MORN3: variants seen among roughly 807,000 people sequenced by gnomAD.
The protein encoded by MORN3 is MORN repeat containing 3.
In MORN3, 38 loss-of-function variants were observed where a neutral mutation model predicts 34.7. The ratio of observed to expected loss-of-function variants is 1.10; its 90% CI spans 0.85 to 1.44. The LOEUF (loss-of-function observed/expected upper bound fraction) is 1.44. Ranked by LOEUF, MORN3 falls within the 40% of genes most tolerant of loss-of-function variation. The pLI is 0.00. For missense variants in MORN3, 311 were observed against 321.7 expected, an observed-to-expected ratio of 0.97 and a Z score of 0.25; for synonymous variants, 109 against 115.3, an observed-to-expected ratio of 0.95 and a Z score of 0.35.
Position 121,649,880 on chromosome 12 carries a change from T to G in MORN3, c.*1771A>C, listed in dbSNP as rs1555324855. The G allele has an allele frequency of 1.3e-5, 2 of 149,962 alleles. No homozygotes were observed. Among genetic ancestry groups the G allele is most frequent in the African/African-American group, 4.9e-5 (2 of 40,760 alleles). 9.3% of individuals were successfully genotyped at this position (149,962 alleles called of 1,614,324 possible). ...CTGAATTCTTTTTTTTTTTTTTTTT[T>G]GTAGCATGGTGATATTGCACTATGC... On this transcript the variant is annotated 3_prime_UTR_variant, in exon 6 of 6. Transcript: ENST00000355329.
rs373454390 is a variant in MORN3, at chr12:121,653,193, T to C, written c.530A>G (p.His177Arg). The C allele has an allele frequency of 3.1e-6, 5 of 1,614,060 alleles. No homozygotes were observed. The highest frequency in any genetic ancestry group is 1.7e-5 in the Admixed American group (1 of 59,990). The stretch of plus-strand genomic sequence containing the variant: ...TTCAAACAGCTGGCCGTGGTCCAGA[T>C]GGAAGAAACGCCCCGCCCCGTTCTT... The part of the protein sequence containing the change: ...GMKNGAGRFF[H>R]LDHGQLFEGF... The change falls in exon 4 of 6, where the codon CAT becomes CGT. Residue 177 changes from histidine to arginine, a missense_variant. Transcript: ENST00000355329.
chr12:121,659,898 G>A (rs1427337914), intron 1 of MORN3, among the ~76,000 whole-genome samples: 1 of 151,868 alleles, frequency 6.6e-6, no homozygotes, highest in African/African-American at 2.4e-5. Flanking sequence ...TGAGCTGCAG[G>A]AGGGCACAGA....
intron 1 of MORN3, among the ~76,000 whole-genome samples, chr12:121,664,532 G>A (rs993605430): frequency 2.0e-5 from 3 of 152,202 alleles, no homozygotes; most frequent in Admixed American, 6.5e-5. Flanking sequence ...GCCAAGGCGG[G>A]CGGATCACTT....
intron 2 of MORN3, among the ~76,000 whole-genome samples, chr12:121,655,568 G>C (rs1264412324): frequency 6.6e-6 from 1 of 151,912 alleles, no homozygotes; most frequent in East Asian, 1.9e-4. Context: ...AAAATTAGCT[G>C]AGTGTGGTGG....
At chr12:121,659,747 C>G (rs1434198379) in intron 1 of MORN3, among the ~76,000 whole-genome samples, 1 of 151,784 alleles carries the variant, frequency 6.6e-6, no homozygotes, top group Non-Finnish European at 1.5e-5. Context: ...CCAGGCAGGT[C>G]TGAAACTCCT....
chr12:121,664,870 CAAAAAA>C (rs148847502), intron 1 of MORN3, among the ~76,000 whole-genome samples: 1 of 65,378 alleles, frequency 1.5e-5, no homozygotes, highest in Non-Finnish European at 3.1e-5. Flanking sequence ...TAGCCCCTAC[CAAAAAA>C]AAAAAAAAAA....
chr12:121,663,991 A>C (rs891251472), intron 1 of MORN3, among the ~76,000 whole-genome samples: 13 of 152,074 alleles, frequency 8.5e-5, no homozygotes, highest in African/African-American at 3.1e-4. Flanking sequence ...AGGCCTACCC[A>C]ATCAGTGTAT....
chr12:121,666,912 C>T (rs542713721), intron 1 of MORN3, among the ~76,000 whole-genome samples: 1 of 150,566 alleles, frequency 6.6e-6, no homozygotes, highest in Admixed American at 6.6e-5. Context: ...TGACAGGGTC[C>T]TATATGATCT....
At chr12:121,666,008 G>T (rs1893743144) in intron 1 of MORN3, among the ~76,000 whole-genome samples, 1 of 151,914 alleles carries the variant, frequency 6.6e-6, no homozygotes, top group Non-Finnish European at 1.5e-5. Context: ...GACACAGTGA[G>T]GCAAACCAAA....
At chr12:121,655,756 C>T (rs1416459442) in intron 2 of MORN3, among the ~76,000 whole-genome samples, 3 of 150,978 alleles carry the variant, frequency 2.0e-5, no homozygotes, top group Non-Finnish European at 2.9e-5. Flanking sequence ...TTAGGCTGGG[C>T]GCTGTGGCTC....
intron 2 of MORN3, among the ~76,000 whole-genome samples, chr12:121,658,541 G>A (rs1288681347): frequency 1.3e-5 from 2 of 149,234 alleles, no homozygotes; most frequent in Admixed American, 6.7e-5. Flanking sequence ...ACTCCAGCCT[G>A]GGCGGCAGGA....
chr12:121,654,397 A>G lies in MORN3; in HGVS notation c.340T>C (p.Tyr114His), dbSNP rs149723242. ...TGGCTGCCACACCAGTCACCCTCAT[A>G]ATACTCCTTGGGTCCGAAAAACTGG... ...GIQFFGPKEY[Y>H]EGDWCGSQRS... Residue 114 changes from tyrosine to histidine, a missense_variant, in exon 3 of 6, where the codon TAT (tyrosine) becomes CAT (histidine). By Grantham distance (83) the Tyr-to-His change is moderately conservative (BLOSUM62 2). Coordinates refer to ENST00000355329, the MANE Select transcript of MORN3 (RefSeq NM_173855.5). 1.5e-5 allele frequency: 24 copies of G among 1,600,412 alleles called. No homozygotes were observed. The highest frequency in any genetic ancestry group is 2.0e-5 in the Non-Finnish European group (24 of 1,173,958).
intron 2 of MORN3, 127 bp from the exon 3 acceptor site, chr12:121,654,560 G>A (rs1254517423): frequency 2.0e-6 from 2 of 1,017,798 alleles, no homozygotes; most frequent in Admixed American, 6.0e-5. Flanking sequence ...CTACGTCCAA[G>A]CGGAGGGTCG....
rs1370646845 is a variant in MORN3 at position 121,651,526 on chromosome 12, G to C, written c.*125C>G. 1.3e-5 allele frequency: 2 copies of C among 152,458 alleles called. No individual in the cohort carries two copies. The highest frequency in any genetic ancestry group is 4.8e-5 in the African/African-American group (2 of 41,462). 9.4% of individuals were successfully genotyped at this position (152,458 alleles called of 1,614,324 possible). A position where few individuals can be genotyped will look rare whatever the true frequency, so the allele number is the denominator to read the frequency against. On this transcript the variant is annotated 3_prime_UTR_variant, in exon 6 of 6. Transcript: ENST00000355329. ...GACCCAGTGCTGGGGGTAGTGAGGG[G>C]CCCTATGAGGGTGCCGGGGTCATGC... is the stretch of plus-strand genomic sequence containing the variant.
At chr12:121,653,992 T>C (rs1893327334) in intron 3 of MORN3, among the ~76,000 whole-genome samples, 1 of 152,032 alleles carries the variant, frequency 6.6e-6, no homozygotes, top group Admixed American at 6.6e-5. Flanking sequence ...CACCCACTAA[T>C]GTCACCACCC....
intron 5 of MORN3, among the ~76,000 whole-genome samples, chr12:121,652,525 C>T (rs1893281986): frequency 6.6e-6 from 1 of 152,234 alleles, no homozygotes; most frequent in Admixed American, 6.5e-5. Context: ...AGAGCCACCA[C>T]AGCCGGTCAA....
intron 2 of MORN3, among the ~76,000 whole-genome samples, chr12:121,655,695 A>C (rs1220568293): frequency 6.6e-6 from 1 of 151,772 alleles, no homozygotes; most frequent in Admixed American, 6.6e-5. Context: ...TGGGCAACAG[A>C]GCAAGACTGT....
chr12:121,668,649 G>A (rs867296547), intron 1 of MORN3, among the ~76,000 whole-genome samples: 1 of 152,126 alleles, frequency 6.6e-6, no homozygotes. Context: ...AGGATCTCGA[G>A]GCTGCAGTGA....
chr12:121,667,413 C>T (rs960141742), intron 1 of MORN3, among the ~76,000 whole-genome samples: 35 of 151,970 alleles, frequency 2.3e-4, no homozygotes, highest in African/African-American at 8.0e-4. Flanking sequence ...ACCACTCGAT[C>T]CAGCTAATTT....
Sources: allele counts gnomAD v4.1 joint callset (sites outside exome capture counted in the v4.1 genomes callset), GRCh38; gene constraint gnomAD v4.1.1; transcripts MANE v1.5; gene names NCBI Gene and HGNC (gene_info 2026-07-23, HGNC 2026-07-21).